The following FAM9A variants were observed in gnomAD, a reference collection of about 807,000 sequenced individuals.
The protein encoded by FAM9A is family with sequence similarity 9 member A.
In FAM9A, 49 loss-of-function variants were observed where a neutral mutation model predicts 25.0. The observed-to-expected ratio is 1.96, with a 90% CI of 1.56 to 2.48. FAM9A has a LOEUF of 2.48. Ranked by LOEUF, FAM9A falls within the 30% of genes most tolerant of loss-of-function variation. The probability of loss-of-function intolerance (pLI) is 0.00; values close to 1 mark genes in which losing one functional copy is unlikely to be tolerated. For missense variants in FAM9A, 266 were observed against 249.3 expected, an observed-to-expected ratio of 1.07 and a Z score of -0.45; for synonymous variants, 80 against 85.1, an observed-to-expected ratio of 0.94 and a Z score of 0.33.
At chrX:8,792,193 C>T (rs1933478298) in intron 8 of FAM9A, among the ~76,000 whole-genome samples, 1 of 110,963 alleles carries the variant, frequency 9.0e-6, no homozygotes, top group Non-Finnish European at 1.9e-5. Flanking sequence ...AGACAGAGGG[C>T]GGCAAGCCTA....
intron 3 of FAM9A, 74 bp downstream of exon 3, chrX:8,798,892 C>T: frequency 8.4e-7 from 1 of 1,195,585 alleles, no homozygotes. Flanking sequence ...GCCCATGTGC[C>T]TCCCGCGCAA....
At position 8,796,378 on chromosome X, in the gene FAM9A, G is replaced by C. The variant is rs1413179247; in HGVS notation, c.378C>G (p.Asp126Glu). 1 of 1,152,840 alleles carries C rather than the reference G, an allele frequency of 8.7e-7. No homozygotes were observed. The highest frequency in any genetic ancestry group is 1.8e-5 in the African/African-American group (1 of 55,484). Residue 126 changes from aspartate to glutamate, a missense_variant, in exon 6 of 10, where the codon GAC (aspartate) becomes GAG (glutamate). Asp to Glu is a conservative substitution (Grantham distance 45). Coordinates refer to ENST00000381003, the MANE Select transcript of FAM9A (RefSeq NM_174951.3). ...HTMKLEHIAA[D>E]IKKGLAAKRE... is the part of the protein sequence containing the mutation. ...TTTTTGCAGCAAGGCCCTTTTTAAT[G>C]TCAGCTAGATAGTAAATGAAAATGC...
At chrX:8,800,445 C>T (rs895113126) in intron 1 of FAM9A, among the ~76,000 whole-genome samples, 3 of 110,683 alleles carry the variant, frequency 2.7e-5, no homozygotes, top group African/African-American at 9.9e-5. Context: ...ATGGCCCCTG[C>T]AGGATCCTTG....
At position 8,791,275 on chromosome X, in the gene FAM9A, C is replaced by T; in HGVS notation, c.*31+5G>A. The T allele has an allele frequency of 1.8e-6, 2 of 1,132,059 alleles. No homozygotes were observed. The highest frequency in any genetic ancestry group is 2.4e-4 in the Middle Eastern group (1 of 4,105). 93.3% of individuals were successfully genotyped at this position (1,132,059 alleles called of 1,213,427 possible). A position where few individuals can be genotyped will look rare whatever the true frequency, so the allele number is the denominator to read the frequency against. ...AGTTTTTAAACTTAAATATGCACTACTTACAGTTCTGACACGATTCTTTTT... is the reference window on the plus strand; with the variant it reads ...AGTTTTTAAACTTAAATATGCACTATTTACAGTTCTGACACGATTCTTTTT... On this transcript the variant is annotated splice_donor_5th_base_variant and intron_variant, in intron 9 of 9. Coordinates refer to ENST00000381003, the MANE Select transcript of FAM9A (RefSeq NM_174951.3).
rs200345136 is a variant in FAM9A at position 8,800,091 on chromosome X, G to A, written c.81C>T (p.Ala27=). 1 of 1,208,572 alleles carries A rather than the reference G, an allele frequency of 8.3e-7. No homozygotes were observed. The stretch of plus-strand genomic sequence containing the variant: ...TCCTTGGGCGTGCACCTTCTTTCGT[G>A]GCCCCCTGGGCGGCCGTAACTTGAG... ...LEAQVTAAQG[A]TKEGSGIASN... The change falls in exon 2 of 10, where the codon GCC becomes GCT. Residue 27 remains alanine (A), a synonymous_variant. Transcript: ENST00000381003.
chrX:8,797,231 G>T (rs186706917), intron 5 of FAM9A, among the ~76,000 whole-genome samples: 1 of 112,062 alleles, frequency 8.9e-6, no homozygotes, highest in Non-Finnish European at 1.9e-5. Flanking sequence ...ATGAATTATC[G>T]CTAGAGAAGA....
At position 8,793,732 on chromosome X, in the gene FAM9A, T is replaced by A; in HGVS notation, c.856A>T (p.Arg286Trp). The A allele has an allele frequency of 7.4e-6, 9 of 1,209,114 alleles. No homozygotes were observed. Among genetic ancestry groups the A allele is most frequent in the Non-Finnish European group, 1.0e-5 (9 of 894,106 alleles). Residue 286 changes from arginine (R) to tryptophan (W), a missense_variant, in exon 8 of 10, where the codon AGG becomes TGG. By Grantham distance (101) the Arg-to-Trp change is moderately radical (BLOSUM62 -3). Coordinates refer to ENST00000381003, the MANE Select transcript of FAM9A (RefSeq NM_174951.3). ...QIKAFQEKQK[R>W]WQQPTGVRSW... Reference sequence around the variant, plus strand: ...CTAACACCTGTAGGTTGTTGCCACCTCTTCTGTTTTTCTTGAAATGCTTTC... The same window carrying A: ...CTAACACCTGTAGGTTGTTGCCACCACTTCTGTTTTTCTTGAAATGCTTTC...
chrX:8,799,943 G>T (rs1194006259), intron 2 of FAM9A, 138 bp downstream of exon 2: 2 of 642,610 alleles, frequency 3.1e-6, no homozygotes, highest in Non-Finnish European at 4.7e-6. Flanking sequence ...CGATGCCAGG[G>T]CCATTTCCTG....
intron 3 of FAM9A, among the ~76,000 whole-genome samples, 168 bp downstream of exon 3, chrX:8,798,798 C>A (rs1240659737): frequency 8.8e-6 from 1 of 113,059 alleles, no homozygotes; most frequent in Non-Finnish European, 1.9e-5. Flanking sequence ...GCCTAAGGCC[C>A]TCGATCCTGC....
chrX:8,798,896 C>G (rs1227691541), intron 3 of FAM9A, 70 bp downstream of exon 3: 1 of 1,196,943 alleles, frequency 8.4e-7, no homozygotes, highest in African/African-American at 1.7e-5. Flanking sequence ...ATGTGCCTCC[C>G]GCGCAAAGAG....
rs370938159 is a variant in FAM9A, at chrX:8,800,073, G to C, written c.91+8C>G. ...GAGAGCAAACAGACCATCTCCTTGG[G>C]CGTGCACCTTCTTTCGTGGCCCCCT... is the stretch of plus-strand genomic sequence containing the variant. On this transcript the variant is annotated splice_region_variant and intron_variant, in intron 2 of 9. Coordinates refer to ENST00000381003, the MANE Select transcript of FAM9A (RefSeq NM_174951.3). 8 of 1,204,390 alleles carry C rather than the reference G, an allele frequency of 6.6e-6. No homozygotes were observed. The highest frequency in any genetic ancestry group is 3.6e-5 in the South Asian group (2 of 56,320).
intron 8 of FAM9A, among the ~76,000 whole-genome samples, chrX:8,792,335 C>T (rs1602067781): frequency 9.1e-6 from 1 of 110,445 alleles, no homozygotes. Flanking sequence ...ATAATATTGC[C>T]GATCAATGAA....
At chrX:8,797,628 G>C (rs1238783682) in intron 5 of FAM9A, among the ~76,000 whole-genome samples, 5 of 111,051 alleles carry the variant, frequency 4.5e-5, no homozygotes, top group Non-Finnish European at 9.4e-5. Context: ...AAAGACACCT[G>C]GGCCTACTTG....
intron 8 of FAM9A, among the ~76,000 whole-genome samples, chrX:8,793,093 ACACT>A (rs1278120548): frequency 1.8e-5 from 2 of 112,363 alleles, no homozygotes; most frequent in African/African-American, 6.5e-5. Context: ...AATAAAAGAG[ACACT>A]CAGTAGTTAC....
Position 8,791,376 on chromosome X carries a change from CA to C in FAM9A, c.933del (p.Ala312ProfsTer51). ...CAATAATTGTCTTTAGTGTCCTTGG[CA>C]GCCTAAAAGAAAAAGTCTAGTTCAC... is the stretch of plus-strand genomic sequence containing the variant. ...MKPLLEQLLKAAKDTKDNYCI... is the reference protein window; with the variant it reads ...MKPLLEQLLKXAKDTKDNYCI... On this transcript the variant is annotated frameshift_variant and splice_region_variant, in exon 9 of 10. Transcript: ENST00000381003. LOFTEE classifies it high-confidence loss of function. The C allele has an allele frequency of 8.3e-7, 1 of 1,199,015 alleles. No homozygotes were observed. Among genetic ancestry groups the C allele is most frequent in the Non-Finnish European group, 1.1e-6 (1 of 888,819 alleles).
intron 6 of FAM9A, 23 bp from the exon 7 acceptor site, chrX:8,795,443 C>T (rs201696007): frequency 7.4e-5 from 84 of 1,142,363 alleles, no homozygotes; most frequent in Middle Eastern, 7.1e-4. Flanking sequence ...ATAAGTAATA[C>T]GGTCATATGT....
chrX:8,800,844 A>C (rs1602072379), intron 1 of FAM9A, among the ~76,000 whole-genome samples: 1 of 59,795 alleles, frequency 1.7e-5, no homozygotes, highest in African/African-American at 6.7e-5. Context: ...ACCCTCTGCC[A>C]CCACCCCTCC....
In FAM9A at chrX:8,798,992, C is replaced by G. The variant is rs199558560; in HGVS notation, c.194G>C (p.Arg65Thr). 83 of 1,211,845 alleles carry G rather than the reference C, an allele frequency of 6.8e-5. No homozygotes were observed. The Admixed American group carries it at 1.1e-3, about 17-fold the overall frequency. ...TGTGTGCTTCTTCGCCGGGGCGGCC[C>G]TAACTTGAGCTTCCAACTGAGCTTT... ...AAKAQLEAQV[R>T]AAPAKKHTGK... Residue 65 changes from arginine to threonine, a missense_variant, in exon 3 of 10, where the codon AGG (arginine) becomes ACG (threonine). Physicochemically the swap from Arg to Thr is moderately conservative, Grantham distance 71. Transcript: ENST00000381003.
intron 2 of FAM9A, among the ~76,000 whole-genome samples, 164 bp from the exon 3 acceptor site, chrX:8,799,258 C>T (rs201523253): frequency 1.8e-5 from 2 of 111,694 alleles, no homozygotes; most frequent in African/African-American, 6.5e-5. Flanking sequence ...CCTATCCTTC[C>T]TGGCCCGTCC....
Sources: gnomAD v4.1 joint callset for allele counts (sites outside exome capture counted in the v4.1 genomes callset) on GRCh38, gnomAD v4.1.1 for gene constraint, MANE v1.5 for transcripts, NCBI Gene and HGNC (gene_info 2026-07-23, HGNC 2026-07-21) for gene names.